The following ANK1 variants were observed in gnomAD, a reference collection of about 807,000 sequenced individuals.
ANK1 encodes the protein ankyrin-1.
ANK1 carries 51 observed loss-of-function variants against 210.4 expected under a neutral mutation model. That is an observed-to-expected ratio of 0.24 (90% CI 0.19 to 0.31). The LOEUF (loss-of-function observed/expected upper bound fraction) is 0.31, where lower values mean the gene tolerates loss of function less well. ANK1 is among the 10% of genes least tolerant of loss of function. ANK1 has a pLI of 1.00. For missense variants in ANK1, 2,051 were observed against 2,504.4 expected, an observed-to-expected ratio of 0.82 and a Z score of 3.86; for synonymous variants, 967 against 1,025.9, an observed-to-expected ratio of 0.94 and a Z score of 1.10.
chr8:41,832,349 G>A (rs1471553750), intron 1 of ANK1, among the ~76,000 whole-genome samples: 1 of 151,728 alleles, frequency 6.6e-6, no homozygotes, highest in Non-Finnish European at 1.5e-5. Flanking sequence ...GCACGGGCCA[G>A]GCCCTTCCCT....
intron 16 of ANK1, among the ~76,000 whole-genome samples, chr8:41,713,060 G>A (rs971876860): frequency 9.2e-5 from 14 of 152,340 alleles, no homozygotes; most frequent in South Asian, 2.1e-4. Flanking sequence ...GAGGGAGAAC[G>A]CGCCGAAGCC....
At chr8:41,748,906 G>A (rs1483639061) in intron 2 of ANK1, among the ~76,000 whole-genome samples, 3 of 152,062 alleles carry the variant, frequency 2.0e-5, no homozygotes, top group East Asian at 1.9e-4. Flanking sequence ...GTGGTGGCGG[G>A]CACCTGTAGT....
intron 1 of ANK1, among the ~76,000 whole-genome samples, chr8:41,867,112 A>G (rs774213741): frequency 6.6e-6 from 1 of 152,182 alleles, no homozygotes. Context: ...ACAGACCCCA[A>G]CGCTGGGAGA....
chr8:41,714,658 G>C (rs956430399), intron 15 of ANK1, among the ~76,000 whole-genome samples: 1 of 152,144 alleles, frequency 6.6e-6, no homozygotes, highest in Non-Finnish European at 1.5e-5. Context: ...CCCAGAGTTC[G>C]AGACCAGCCT....
chr8:41,875,838 T>C (rs1816462942), intron 1 of ANK1, among the ~76,000 whole-genome samples: 1 of 152,174 alleles, frequency 6.6e-6, no homozygotes, highest in South Asian at 2.1e-4. Flanking sequence ...TGATCTAGTG[T>C]TACACGGCGC....
intron 2 of ANK1, among the ~76,000 whole-genome samples, chr8:41,751,390 T>G (rs982835210): frequency 1.2e-4 from 19 of 152,140 alleles, no homozygotes; most frequent in African/African-American, 4.6e-4. Context: ...CTGCTCGATG[T>G]TACCAAGCCA....
intron 1 of ANK1, among the ~76,000 whole-genome samples, chr8:41,875,734 G>A (rs117215127): frequency 4.9e-3 from 742 of 152,314 alleles, no homozygotes; most frequent in Admixed American, 8.5e-3. Context: ...TGCAGGGGGA[G>A]GACAAACTCC....
intron 1 of ANK1, among the ~76,000 whole-genome samples, chr8:41,821,288 T>C (rs377255080): frequency 8.5e-5 from 13 of 152,256 alleles, no homozygotes; most frequent in African/African-American, 3.1e-4. Flanking sequence ...TAAATATATA[T>C]AGGAGTTGTA....
At chr8:41,762,939 G>A (rs549292461) in intron 1 of ANK1, among the ~76,000 whole-genome samples, 1 of 152,316 alleles carries the variant, frequency 6.6e-6, no homozygotes, top group East Asian at 1.9e-4. Context: ...TGACAAACTG[G>A]CAGGGCGTGG....
chr8:41,824,339 AC>A (rs1287712934), intron 1 of ANK1, among the ~76,000 whole-genome samples: 12 of 152,200 alleles, frequency 7.9e-5, no homozygotes, highest in Admixed American at 5.9e-4. Flanking sequence ...CACTCATGCA[AC>A]ACATGTTTAT....
At chr8:41,766,706 A>C (rs1841870410) in intron 1 of ANK1, among the ~76,000 whole-genome samples, 1 of 152,178 alleles carries the variant, frequency 6.6e-6, no homozygotes, top group Non-Finnish European at 1.5e-5. Flanking sequence ...TAAGGCCCCA[A>C]ACCTCCATTT....
At chr8:41,860,859 G>A (rs534538671) in intron 1 of ANK1, among the ~76,000 whole-genome samples, 58 of 152,316 alleles carry the variant, frequency 3.8e-4, no homozygotes, top group Non-Finnish European at 4.1e-4. Context: ...TGTGCCTGGA[G>A]CACCATCCAG....
intron 1 of ANK1, among the ~76,000 whole-genome samples, chr8:41,778,641 T>C (rs1844622936): frequency 6.6e-6 from 1 of 152,182 alleles, no homozygotes; most frequent in Non-Finnish European, 1.5e-5. Flanking sequence ...AATACGTCTA[T>C]TGTAGGAAGC....
chr8:41,655,152 G>A lies in ANK1; in HGVS notation c.*638C>T. 1 of 145,498 alleles carries A rather than the reference G, an allele frequency of 6.9e-6. No individual in the cohort carries two copies. The highest frequency in any genetic ancestry group is 6.9e-5 in the Admixed American group (1 of 14,584). 9.0% of individuals were successfully genotyped at this position (145,498 alleles called of 1,614,324 possible). A position where few individuals can be genotyped will look rare whatever the true frequency, so the allele number is the denominator to read the frequency against. ...GTGGTGTGTGTGTGTGTGTGTGTGTGTCCTGAATGTCATGTAGAGCGATCT... is the reference window on the plus strand; with the variant it reads ...GTGGTGTGTGTGTGTGTGTGTGTGTATCCTGAATGTCATGTAGAGCGATCT... On this transcript the variant is annotated 3_prime_UTR_variant, in exon 43 of 43. Transcript: ENST00000289734.
chr8:41,695,192 T>G lies in ANK1; in HGVS notation c.3100A>C (p.Asn1034His). ...YGESYLDQIL[N>H]GMDEELGSLE... is the part of the protein sequence containing the mutation. ...CCGCCCCTACCTTCGTCCATCCCGT[T>G]GAGGATCTGATCCAGGTAGCTCTCT... Residue 1034 changes from asparagine to histidine, a missense_variant, in exon 27 of 43, where the codon AAC becomes CAC. Asn to His is a moderately conservative substitution (Grantham distance 68). Transcript: ENST00000289734. 2 of 1,614,130 alleles carry G rather than the reference T, an allele frequency of 1.2e-6. No individual in the cohort carries two copies. The highest frequency in any genetic ancestry group is 1.7e-6 in the Non-Finnish European group (2 of 1,180,024).
chr8:41,713,109 GC>G (rs1392969116), intron 16 of ANK1, among the ~76,000 whole-genome samples: 1 of 152,234 alleles, frequency 6.6e-6, no homozygotes, highest in Admixed American at 6.5e-5. Context: ...GGCTGCGGAG[GC>G]CCTAAGCCAG....
Position 41,708,925 on chromosome 8 carries a change from C to T in ANK1, c.1851G>A (p.Val617=), listed in dbSNP as rs530624980. Residue 617 remains valine (V), a synonymous_variant, in exon 17 of 43, where the codon GTG becomes GTA. Coordinates refer to ENST00000289734, the MANE Select transcript of ANK1 (RefSeq NM_000037.4). ...CCCCATACTGCAGCAGACTACGGGC[C>T]ACCTCCACCTGGTTCTGCTTGGCAG... The part of the protein sequence containing the change: ...HIAAKQNQVE[V]ARSLLQYGGS... 1.2e-6 allele frequency: 2 copies of T among 1,614,114 alleles called. No homozygotes were observed. Among genetic ancestry groups the T allele is most frequent in the South Asian group, 1.1e-5 (1 of 91,088 alleles).
At chr8:41,709,385 G>A (rs1009683635) in intron 16 of ANK1, among the ~76,000 whole-genome samples, 6 of 152,248 alleles carry the variant, frequency 3.9e-5, no homozygotes, top group African/African-American at 1.4e-4. Context: ...GCCAAGTGCT[G>A]CCCTCTGGGC....
At chr8:41,783,796 C>T (rs1301527147) in intron 1 of ANK1, among the ~76,000 whole-genome samples, 3 of 152,192 alleles carry the variant, frequency 2.0e-5, no homozygotes, top group Non-Finnish European at 2.9e-5. Flanking sequence ...GGTATGGTGG[C>T]TCACACCTGT....
Sources: allele counts gnomAD v4.1 joint callset (sites outside exome capture counted in the v4.1 genomes callset), GRCh38; gene constraint gnomAD v4.1.1; transcripts MANE v1.5; gene names NCBI Gene and HGNC (gene_info 2026-07-23, HGNC 2026-07-21).